The following DHX9 variants were observed in gnomAD, a reference collection of about 807,000 sequenced individuals.
DHX9 encodes the protein ATP-dependent RNA helicase A.
Under a neutral mutation model 148.7 loss-of-function variants are expected in DHX9, and 27 were observed. The observed-to-expected ratio is 0.18, with a 90% CI of 0.13 to 0.25. The LOEUF (loss-of-function observed/expected upper bound fraction) is 0.25. Among genes scored for constraint, DHX9 ranks in the 10% least tolerant of loss-of-function variants. The pLI is 1.00. For missense variants in DHX9, 796 were observed against 1,559.6 expected (o/e 0.51, Z 8.25); for synonymous variants, 529 against 516.6 (o/e 1.02, Z -0.33).
intron 24 of DHX9, among the ~76,000 whole-genome samples, chr1:182,882,422 A>T (rs1287375625): frequency 1.3e-5 from 2 of 152,048 alleles, no homozygotes; most frequent in East Asian, 3.9e-4. Context: ...CTGGGTAAAA[A>T]CGTCAGCCTT....
intron 20 of DHX9, among the ~76,000 whole-genome samples, chr1:182,878,563 C>T (rs1557978278): frequency 6.6e-6 from 1 of 152,140 alleles, no homozygotes; most frequent in Middle Eastern, 3.2e-3. Flanking sequence ...ATGTAAAATA[C>T]TTTGAACAGT....
chr1:182,854,662 A>C (rs1668222828), intron 6 of DHX9, among the ~76,000 whole-genome samples: 1 of 152,226 alleles, frequency 6.6e-6, no homozygotes, highest in African/African-American at 2.4e-5. Context: ...CTTTCCTAGG[A>C]GTCCTAGTGA....
At chr1:182,878,418 G>T (rs1648921499) in intron 20 of DHX9, among the ~76,000 whole-genome samples, 1 of 152,104 alleles carries the variant, frequency 6.6e-6, no homozygotes, top group Admixed American at 6.5e-5. Flanking sequence ...ACACTAAGTG[G>T]TTACTCCTTA....
In DHX9 at chr1:182,852,201, A is replaced by G. The variant is rs755361680; in HGVS notation, c.253-32A>G. ...TACTAGTCCCCGTGAAGGCAAAAGCACTGACAGCTGCCTTGACTTTTTCTT... is the reference window on the plus strand; with the variant it reads ...TACTAGTCCCCGTGAAGGCAAAAGCGCTGACAGCTGCCTTGACTTTTTCTT... On this transcript the variant is annotated intron_variant, in intron 3 of 27. Transcript: ENST00000367549. 5 of 1,492,308 alleles carry G rather than the reference A, an allele frequency of 3.4e-6. No individual in the cohort carries two copies. In the African/African-American group the frequency reaches 4.2e-5, roughly 12 times the overall value. The allele number at this position is 1,492,308 out of a possible 1,614,324, so 92.4% of individuals were successfully genotyped here. A position where few individuals can be genotyped will look rare whatever the true frequency, so the allele number is the denominator to read the frequency against.
chr1:182,873,072 C>CA (rs1305856899), intron 15 of DHX9, among the ~76,000 whole-genome samples: 2 of 152,166 alleles, frequency 1.3e-5, no homozygotes, highest in Non-Finnish European at 2.9e-5. Context: ...CCTCCCATCT[C>CA]AGCTTCCTGA....
chr1:182,884,971 A>G (rs1649258860), intron 27 of DHX9, among the ~76,000 whole-genome samples, 158 bp downstream of exon 27: 1 of 152,206 alleles, frequency 6.6e-6, no homozygotes, highest in Admixed American at 6.5e-5. Context: ...CTGAGTTCTA[A>G]CATACTCAGA....
At position 182,866,589 on chromosome 1, in the gene DHX9, A is replaced by G. The variant is rs778049669; in HGVS notation, c.1474+4A>G. 2.5e-6 allele frequency: 4 copies of G among 1,607,350 alleles called. No individual in the cohort carries two copies. The highest frequency in any genetic ancestry group is 2.2e-5 in the South Asian group (2 of 90,216). On this transcript the variant is annotated splice_donor_region_variant and intron_variant, in intron 13 of 27. Coordinates refer to ENST00000367549, the MANE Select transcript of DHX9 (RefSeq NM_001357.5). Reference sequence around the variant, plus strand: ...AGTATAATGTTTTGTACTGTAGGTCAGTAATGTATTTTGATTTTTCATTTG... The same window carrying G: ...AGTATAATGTTTTGTACTGTAGGTCGGTAATGTATTTTGATTTTTCATTTG...
At chr1:182,839,988 A>C (rs1201216031) in intron 1 of DHX9, 1 of 152,432 alleles carries the variant, frequency 6.6e-6, no homozygotes, top group Non-Finnish European at 1.5e-5. Context: ...GGCCAACGCG[A>C]AGGAAAAGCA....
chr1:182,850,757 TAACCTACTTGAAA>T (rs1668127940), intron 3 of DHX9, among the ~76,000 whole-genome samples: 1 of 152,214 alleles, frequency 6.6e-6, no homozygotes, highest in African/African-American at 2.4e-5. Context: ...TACTATTTTA[TAACCTACTTGAAA>T]AAGTATTTTC....
rs565304014 is a variant in DHX9 at position 182,876,651 on chromosome 1, A to AAG, written c.2124+112_2124+113dup. The AAG allele has an allele frequency of 1.8e-4, 188 of 1,070,690 alleles. No individual in the cohort carries two copies. In the African/African-American group the frequency reaches 2.5e-3, roughly 14 times the overall value. The allele number at this position is 1,070,690 out of a possible 1,614,324, so 66.3% of individuals were successfully genotyped here. On this transcript the variant is annotated intron_variant, in intron 18 of 27. Transcript: ENST00000367549. Reference sequence around the variant, plus strand: ...AAATTGTAACCCATCTAAATTGAGGAAGAAAAAAGGAGTCTTCTCTTTCTG... The same window carrying AAG: ...AAATTGTAACCCATCTAAATTGAGGAAGAGAAAAAAGGAGTCTTCTCTTTCTG...
chr1:182,876,383 A>G, intron 17 of DHX9, 64 bp from the exon 18 acceptor site: 1 of 1,566,654 alleles, frequency 6.4e-7, no homozygotes, highest in Non-Finnish European at 8.8e-7. Flanking sequence ...AAATATGTAT[A>G]ATGGAGAGCT....
intron 24 of DHX9, among the ~76,000 whole-genome samples, chr1:182,882,301 A>C (rs1649118922): frequency 6.6e-6 from 1 of 152,230 alleles, no homozygotes; most frequent in African/African-American, 2.4e-5. Flanking sequence ...TAATTCATCC[A>C]ATTAGGAGGC....
At chr1:182,875,257 C>G (rs1648707675) in intron 16 of DHX9, 1 of 458,254 alleles carries the variant, frequency 2.2e-6, no homozygotes, top group Non-Finnish European at 4.3e-6. Context: ...GGTTTTGCTA[C>G]TCAAAGTTTT....
rs1206325011 is a variant in DHX9, at chr1:182,864,468, CAT to C, written c.1333-1974_1333-1973del. 4.6e-5 allele frequency among the ~76,000 whole-genome samples: 7 copies of C among 152,270 alleles called. No homozygotes were observed. The South Asian group carries it at 1.0e-3, about 23-fold the overall frequency. On this transcript the variant is annotated intron_variant, in intron 12 of 27. Coordinates refer to ENST00000367549, the MANE Select transcript of DHX9 (RefSeq NM_001357.5). ...TGATCAATTGGATTAAATTCCTAGA[CAT>C]AGAATTGTTGGGTCAGAGGGTATGC...
At chr1:182,842,153 A>G (rs1387604697) in intron 1 of DHX9, among the ~76,000 whole-genome samples, 1 of 152,218 alleles carries the variant, frequency 6.6e-6, no homozygotes, top group Non-Finnish European at 1.5e-5. Flanking sequence ...AGACAATGAT[A>G]GTACCCACCA....
rs11332 is a variant in DHX9 at position 182,874,885 on chromosome 1, C to T, written c.1746C>T (p.Thr582=). 165,526 of 1,611,678 alleles carry T rather than the reference C, an allele frequency of 0.1. 11,154 individuals carry two copies. Among genetic ancestry groups the T allele is most frequent in the African/African-American group, 0.32 (23,836 of 74,758 alleles). The change falls in exon 16 of 28, where the codon ACC becomes ACT. Residue 582 remains threonine (T), a synonymous_variant. Coordinates refer to ENST00000367549, the MANE Select transcript of DHX9 (RefSeq NM_001357.5). ...EYFLEDCIQM[T]HFVPPPKDKK... ...TTCTGGAAGACTGCATTCAGATGAC[C>T]CACTTTGTTCCTCCACCAAAAGACA...
chr1:182,855,948 T>G (rs1668243016), intron 6 of DHX9, among the ~76,000 whole-genome samples: 1 of 152,226 alleles, frequency 6.6e-6, no homozygotes, highest in Non-Finnish European at 1.5e-5. Context: ...CTCCAGGACC[T>G]GATTTAAATA....
At chr1:182,862,846 A>G (rs1416726353) in intron 12 of DHX9, among the ~76,000 whole-genome samples, 1 of 152,218 alleles carries the variant, frequency 6.6e-6, no homozygotes, top group African/African-American at 2.4e-5. Context: ...CTCTTATGGT[A>G]TAGAAAGTGT....
rs1169167033 is a variant in DHX9, at chr1:182,883,221, G to A, written c.2997G>A (p.Val999=). Residue 999 remains valine, a synonymous_variant, in exon 25 of 28, where the codon GTG becomes GTA. Coordinates refer to ENST00000367549, the MANE Select transcript of DHX9 (RefSeq NM_001357.5). The stretch of plus-strand genomic sequence containing the variant: ...TTATCTCCCTCCTGGCCTTTGGTGT[G>A]TACCCCAATGTATGCTATCATAAGG... ...DVVISLLAFG[V]YPNVCYHKEK... is the part of the protein sequence containing the mutation. 3 of 1,614,084 alleles carry A rather than the reference G, an allele frequency of 1.9e-6. No homozygotes were observed. The East Asian group carries it at 6.7e-5, about 36-fold the overall frequency.
Sources: gnomAD v4.1 joint callset for allele counts (sites outside exome capture counted in the v4.1 genomes callset) on GRCh38, gnomAD v4.1.1 for gene constraint, MANE v1.5 for transcripts, NCBI Gene and HGNC (gene_info 2026-07-23, HGNC 2026-07-21) for gene names.